MYZAP: variants seen among roughly 807,000 people sequenced by gnomAD.
MYZAP encodes the protein myocardial zonula adherens protein, also known as GRINL1A complex locus upstream.
In MYZAP, 66 loss-of-function variants were observed where a neutral mutation model predicts 69.4. That is an observed-to-expected ratio of 0.95 (90% CI 0.78 to 1.17). MYZAP has a LOEUF of 1.17. MYZAP is among the 50% of genes most tolerant of loss of function. The probability of loss-of-function intolerance (pLI) is 0.00; values close to 1 mark genes in which losing one functional copy is unlikely to be tolerated. For missense variants in MYZAP, 611 were observed against 556.2 expected, an observed-to-expected ratio of 1.10 and a Z score of -0.99; for synonymous variants, 256 against 205.9, an observed-to-expected ratio of 1.24 and a Z score of -2.09.
Position 57,684,686 on chromosome 15 carries a change from A to C in MYZAP, c.*188A>C, listed in dbSNP as rs2039610119. 2.0e-6 allele frequency: 1 copy of C among 510,840 alleles called. No individual in the cohort carries two copies. The highest frequency in any genetic ancestry group is 3.4e-6 in the Non-Finnish European group (1 of 291,198). The allele number at this position is 510,840 out of a possible 1,614,324, so 31.6% of individuals were successfully genotyped here. ...GGCAGAGTGAGCAGGTAAGAGAGGG[A>C]TATACAAGGTCACATTTCAGACACC... On this transcript the variant is annotated 3_prime_UTR_variant, in exon 13 of 13. Transcript: ENST00000267853.
intron 11 of MYZAP, among the ~76,000 whole-genome samples, chr15:57,668,016 C>T (rs1257517084): frequency 6.6e-6 from 1 of 152,074 alleles, no homozygotes; most frequent in Non-Finnish European, 1.5e-5. Flanking sequence ...AGTGGGAATC[C>T]ACTGTATGAT....
intron 10 of MYZAP, among the ~76,000 whole-genome samples, chr15:57,649,272 G>T (rs550533613): frequency 5.1e-4 from 77 of 152,138 alleles, no homozygotes; most frequent in Non-Finnish European, 1.1e-3. Context: ...ACCTTTTCTA[G>T]ATATTGCCCA....
intron 1 of MYZAP, among the ~76,000 whole-genome samples, chr15:57,593,006 GTGCAGGC>G (rs1195046572): frequency 6.6e-6 from 1 of 152,140 alleles, no homozygotes; most frequent in Non-Finnish European, 1.5e-5. Flanking sequence ...TTCTGTCTGC[GTGCAGGC>G]TTGGACCTGC....
rs1397306615 is a variant in MYZAP at position 57,685,126 on chromosome 15, CT to C, written c.*630del. 1.3e-5 allele frequency: 2 copies of C among 152,128 alleles called. No homozygotes were observed. The highest frequency in any genetic ancestry group is 2.9e-5 in the Non-Finnish European group (2 of 68,026). 9.4% of individuals were successfully genotyped at this position (152,128 alleles called of 1,614,324 possible). ...GCTAGTCCCTTGGTTTAATTTGTGC[CT>C]TATGCTTTCATTGGACCAGCTGAAA... On this transcript the variant is annotated 3_prime_UTR_variant, in exon 13 of 13. Transcript: ENST00000267853.
intron 2 of MYZAP, among the ~76,000 whole-genome samples, chr15:57,611,586 A>G (rs184219547): frequency 5.3e-4 from 80 of 152,262 alleles, no homozygotes; most frequent in African/African-American, 1.8e-3. Flanking sequence ...TGCTATCATT[A>G]CAAATGCCAC....
chr15:57,632,020 G>C (rs1283865011), intron 6 of MYZAP, among the ~76,000 whole-genome samples: 2 of 152,186 alleles, frequency 1.3e-5, no homozygotes, highest in African/African-American at 4.8e-5. Flanking sequence ...CCCCATGCTA[G>C]GTTGGAATGT....
chr15:57,622,795 G>C (rs2035897683), intron 4 of MYZAP, among the ~76,000 whole-genome samples: 1 of 152,214 alleles, frequency 6.6e-6, no homozygotes, highest in South Asian at 2.1e-4. Context: ...CTTGAGGTAA[G>C]GGAATGCCTT....
chr15:57,661,474 C>T lies in MYZAP; in HGVS notation c.1144C>T (p.Gln382Ter). The change falls in exon 11 of 13, where the codon CAA becomes TAA. Residue 382 changes from glutamine to a stop codon, truncating the protein, a stop_gained. Transcript: ENST00000267853. LOFTEE classifies it high-confidence loss of function. ...EEIESLKKKL[Q>*]QKQLLILQLL... is the part of the protein sequence containing the mutation. ...GATTGAATCATTAAAGAAAAAGTTGCAACAGAAACAGCTCTTAATACTGCA... is the reference window on the plus strand; with the variant it reads ...GATTGAATCATTAAAGAAAAAGTTGTAACAGAAACAGCTCTTAATACTGCA... 5.0e-6 allele frequency: 8 copies of T among 1,608,434 alleles called. No homozygotes were observed. The highest frequency in any genetic ancestry group is 5.9e-6 in the Non-Finnish European group (7 of 1,178,494).
intron 2 of MYZAP, among the ~76,000 whole-genome samples, chr15:57,616,822 CTTTTTTTTT>C (rs763856721): frequency 2.0e-4 from 10 of 50,058 alleles, no homozygotes; most frequent in African/African-American, 4.0e-4. Context: ...AAAAAAAGTG[CTTTTTTTTT>C]TTTTTTTTTT....
At chr15:57,678,875 A>G (rs1414488244) in intron 12 of MYZAP, among the ~76,000 whole-genome samples, 5 of 150,916 alleles carry the variant, frequency 3.3e-5, no homozygotes, top group African/African-American at 9.8e-5. Flanking sequence ...GTCTTGTGTG[A>G]AAAAAAAATT....
At chr15:57,655,826 GAA>G (rs2037985354) in intron 10 of MYZAP, among the ~76,000 whole-genome samples, 1 of 152,224 alleles carries the variant, frequency 6.6e-6, no homozygotes, top group Non-Finnish European at 1.5e-5. Flanking sequence ...CAGATTTTAT[GAA>G]AGTGTATTTT....
Position 57,604,368 on chromosome 15 carries a change from C to T in MYZAP, c.162+13C>T, listed in dbSNP as rs115438075. 8.2e-4 allele frequency: 1,324 copies of T among 1,613,982 alleles called. 6 individuals are homozygous for T. In the African/African-American group the frequency reaches 8.5e-3, roughly 10 times the overall value. On this transcript the variant is annotated intron_variant, in intron 2 of 12. Coordinates refer to ENST00000267853, the MANE Select transcript of MYZAP (RefSeq NM_001018100.5). The stretch of plus-strand genomic sequence containing the variant: ...GAGAAAAGAGCAGGTAAGGTATCTC[C>T]GAGGCAAAGCCCCAACAAGTTCCAG...
At chr15:57,646,545 T>G in intron 10 of MYZAP, 2 of 1,015,684 alleles carry the variant, frequency 2.0e-6, no homozygotes, top group Non-Finnish European at 2.4e-6. Flanking sequence ...AGATGAATCC[T>G]TACTTATGGA....
chr15:57,636,996 C>T (rs2036856509), intron 8 of MYZAP, among the ~76,000 whole-genome samples: 1 of 152,156 alleles, frequency 6.6e-6, no homozygotes, highest in South Asian at 2.1e-4. Flanking sequence ...TTCTGGAGGC[C>T]ACCTGTACTC....
At chr15:57,653,440 CA>C (rs1438292970) in intron 10 of MYZAP, among the ~76,000 whole-genome samples, 1 of 152,040 alleles carries the variant, frequency 6.6e-6, no homozygotes, top group African/African-American at 2.4e-5. Flanking sequence ...CAAAATAAAA[CA>C]AATTTTAAAT....
At chr15:57,641,162 A>C (rs1292304775) in intron 10 of MYZAP, among the ~76,000 whole-genome samples, 2 of 152,172 alleles carry the variant, frequency 1.3e-5, no homozygotes, top group African/African-American at 4.8e-5. Context: ...TAATCGTTAG[A>C]GAACTATTGA....
intron 9 of MYZAP, among the ~76,000 whole-genome samples, chr15:57,638,412 T>A (rs1024188833): frequency 6.6e-6 from 1 of 152,168 alleles, no homozygotes; most frequent in Non-Finnish European, 1.5e-5. Context: ...ACAGTGCCCA[T>A]CTCACTAGGT....
chr15:57,640,508 A>ACTAC (rs1328366159), intron 10 of MYZAP, among the ~76,000 whole-genome samples: 8 of 152,244 alleles, frequency 5.3e-5, no homozygotes, highest in African/African-American at 1.9e-4. Flanking sequence ...TACTTTAAAA[A>ACTAC]GTTATGTTTT....
At chr15:57,677,200 G>C (rs142364799) in intron 12 of MYZAP, among the ~76,000 whole-genome samples, 60 of 152,348 alleles carry the variant, frequency 3.9e-4, no homozygotes, top group African/African-American at 1.4e-3. Context: ...GGGGGATGAG[G>C]AGGGTTAGTG....
Sources: allele counts gnomAD v4.1 joint callset (sites outside exome capture counted in the v4.1 genomes callset), GRCh38; gene constraint gnomAD v4.1.1; transcripts MANE v1.5; gene names NCBI Gene and HGNC (gene_info 2026-07-23, HGNC 2026-07-21).